The following GRIK2 variants were observed in gnomAD, a reference collection of about 807,000 sequenced individuals.
The protein encoded by GRIK2 is glutamate ionotropic receptor kainate type subunit 2, also known as glutamate receptor ionotropic, kainate 2.
Under a neutral mutation model 100.3 loss-of-function variants are expected in GRIK2, and 32 were observed. That is an observed-to-expected ratio of 0.32 (90% confidence interval 0.24 to 0.43). The LOEUF (loss-of-function observed/expected upper bound fraction) is 0.43, where lower values mean the gene tolerates loss of function less well. GRIK2 is among the 20% of genes least tolerant of loss of function. GRIK2 has a pLI of 1.00. For synonymous variants in GRIK2, 417 were observed against 389.4 expected (o/e 1.07, Z -0.83); for missense variants, 843 against 1,114.9 (o/e 0.76, Z 3.47).
intron 14 of GRIK2, among the ~76,000 whole-genome samples, chr6:101,984,810 T>C (rs1793928042): frequency 6.6e-6 from 1 of 151,730 alleles, no homozygotes; most frequent in African/African-American, 2.4e-5. Flanking sequence ...AATAATGAAA[T>C]TAAACTACAT....
chr6:101,831,102 C>A (rs1216303138), intron 10 of GRIK2, among the ~76,000 whole-genome samples: 1 of 151,890 alleles, frequency 6.6e-6, no homozygotes, highest in Non-Finnish European at 1.5e-5. Context: ...CACATGTAAC[C>A]CCTGAATCTA....
At chr6:102,043,074 C>CT (rs1770680436) in intron 15 of GRIK2, among the ~76,000 whole-genome samples, 1 of 151,546 alleles carries the variant, frequency 6.6e-6, no homozygotes, top group Non-Finnish European at 1.5e-5. Context: ...AAGCATCTCC[C>CT]TTTATGATCT....
At position 101,941,131 on chromosome 6, in the gene GRIK2, C is replaced by T. The variant is rs142858488; in HGVS notation, c.2085+12499C>T. On this transcript the variant is annotated intron_variant, in intron 14 of 16. Coordinates refer to ENST00000369134, the MANE Select transcript of GRIK2 (RefSeq NM_021956.5). ...TATTTTATGTAGGTGAAATAAATTACAATTATAACTATCTAAACCATATGA... is the reference window on the plus strand; with the variant it reads ...TATTTTATGTAGGTGAAATAAATTATAATTATAACTATCTAAACCATATGA... 3.9e-4 allele frequency among the ~76,000 whole-genome samples: 59 copies of T among 152,136 alleles called. No individual in the cohort carries two copies. The East Asian group carries it at 0.011, about 29-fold the overall frequency.
chr6:101,748,954 A>G (rs561777997), intron 7 of GRIK2, among the ~76,000 whole-genome samples: 18 of 152,354 alleles, frequency 1.2e-4, no homozygotes, highest in Non-Finnish European at 1.8e-4. Flanking sequence ...GAACAAGTGC[A>G]GTAATTTAAA....
rs990473395 is a variant in GRIK2, at chr6:101,524,720, T to A, written c.116-97229T>A. ...AGAAACTTAAGACTTGCATGTTCGT[T>A]TTTTTTTTTTTTTTCTTCTTTTTTC... On this transcript the variant is annotated intron_variant, in intron 2 of 16. Coordinates refer to ENST00000369134, the MANE Select transcript of GRIK2 (RefSeq NM_021956.5). 6.7e-3 allele frequency among the ~76,000 whole-genome samples: 134 copies of A among 20,122 alleles called. No individual in the cohort carries two copies. The African/African-American group carries it at 0.1, about 16-fold the overall frequency. The allele number at this position is 20,122 out of a possible 152,430, so 13.2% of individuals were successfully genotyped here. A position where few individuals can be genotyped will look rare whatever the true frequency, so the allele number is the denominator to read the frequency against.
intron 14 of GRIK2, chr6:101,993,312 T>C (rs531273474): frequency 1.5e-5 from 2 of 137,410 alleles, no homozygotes; most frequent in Middle Eastern, 4.0e-3. Flanking sequence ...TTTGGATAAA[T>C]AGGTGACTCT....
intron 2 of GRIK2, among the ~76,000 whole-genome samples, chr6:101,401,423 C>A (rs1582364922): frequency 6.6e-6 from 1 of 152,290 alleles, no homozygotes; most frequent in South Asian, 2.1e-4. Flanking sequence ...CACAAACAAG[C>A]TTTCTTAGAC....
chr6:101,731,689 C>T (rs1775281519), intron 7 of GRIK2, among the ~76,000 whole-genome samples: 1 of 151,550 alleles, frequency 6.6e-6, no homozygotes, highest in Admixed American at 6.6e-5. Context: ...GTAATCTATT[C>T]AAAAAAGAAT....
At chr6:101,742,214 C>T (rs1452714890) in intron 7 of GRIK2, among the ~76,000 whole-genome samples, 1 of 152,174 alleles carries the variant, frequency 6.6e-6, no homozygotes, top group South Asian at 2.1e-4. Context: ...GCCTGTTACG[C>T]AGTATGCCAA....
rs971300375 is a variant in GRIK2, at chr6:102,002,290, A to ATG, written c.2086-33037_2086-33036dup. On this transcript the variant is annotated intron_variant, in intron 14 of 16. Coordinates refer to ENST00000369134, the MANE Select transcript of GRIK2 (RefSeq NM_021956.5). ...TGTGTGTATGTATGTGTGTGTATAT[A>ATG]TGTGTGTGTGTGTGTATATATATAC... Among the ~76,000 whole-genome samples, 740 of 147,588 alleles carry ATG rather than the reference A, an allele frequency of 5.0e-3. 5 individuals carry two copies. The highest frequency in any genetic ancestry group is 0.017 in the African/African-American group (697 of 40,660).
intron 2 of GRIK2, among the ~76,000 whole-genome samples, chr6:101,518,942 T>C (rs1774729787): frequency 6.6e-6 from 1 of 152,196 alleles, no homozygotes; most frequent in Non-Finnish European, 1.5e-5. Context: ...CATTTATAGA[T>C]GCATTATTGA....
In GRIK2 at chr6:101,560,739, GAAA is replaced by G. The variant is rs936052742; in HGVS notation, c.116-61204_116-61202del. Among the ~76,000 whole-genome samples the G allele has an allele frequency of 2.7e-5, 4 of 150,820 alleles. No homozygotes were observed. The East Asian group carries it at 5.8e-4, about 22-fold the overall frequency. ...AAATTTTTTTTCCTTTCAAAGCAAA[GAAA>G]AAAAACAAAATCATAAATGGAAAAA... On this transcript the variant is annotated intron_variant, in intron 2 of 16. Transcript: ENST00000369134.
chr6:101,905,577 T>A (rs1241134363), intron 12 of GRIK2, among the ~76,000 whole-genome samples: 1 of 151,570 alleles, frequency 6.6e-6, no homozygotes, highest in Non-Finnish European at 1.5e-5. Context: ...TCATAATTTA[T>A]AGCTAGATTG....
At chr6:101,416,832 T>A (rs982571683) in intron 2 of GRIK2, among the ~76,000 whole-genome samples, 1 of 152,204 alleles carries the variant, frequency 6.6e-6, no homozygotes, top group African/African-American at 2.4e-5. Context: ...TTGTCATCTA[T>A]GGAGTAGGAA....
At chr6:101,748,989 T>G (rs1776617015) in intron 7 of GRIK2, among the ~76,000 whole-genome samples, 1 of 152,190 alleles carries the variant, frequency 6.6e-6, no homozygotes, top group South Asian at 2.1e-4. Flanking sequence ...TTTCTTATTT[T>G]AAAGGAATTG....
intron 14 of GRIK2, among the ~76,000 whole-genome samples, chr6:101,995,969 A>G (rs891069387): frequency 6.6e-6 from 1 of 152,040 alleles, no homozygotes; most frequent in African/African-American, 2.4e-5. Flanking sequence ...AAATGAAGAT[A>G]TTTCAAGGAG....
At chr6:101,465,606 AC>A (rs915960678) in intron 2 of GRIK2, among the ~76,000 whole-genome samples, 3 of 152,150 alleles carry the variant, frequency 2.0e-5, no homozygotes, top group Admixed American at 1.3e-4. Flanking sequence ...AGAGAGTCTC[AC>A]CCAGTAGATC....
intron 7 of GRIK2, among the ~76,000 whole-genome samples, chr6:101,770,132 T>C (rs1778305721): frequency 6.6e-6 from 1 of 152,212 alleles, no homozygotes; most frequent in Non-Finnish European, 1.5e-5. Context: ...AGTGACTCAT[T>C]TGATTTTGAC....
At chr6:101,996,435 C>A (rs1323127902) in intron 14 of GRIK2, among the ~76,000 whole-genome samples, 1 of 151,914 alleles carries the variant, frequency 6.6e-6, no homozygotes, top group East Asian at 1.9e-4. Context: ...CCAAATTATT[C>A]ATTAATTACT....
Sources: gnomAD v4.1 joint callset for allele counts (sites outside exome capture counted in the v4.1 genomes callset) on GRCh38, gnomAD v4.1.1 for gene constraint, MANE v1.5 for transcripts, NCBI Gene and HGNC (gene_info 2026-07-23, HGNC 2026-07-21) for gene names.